WBP2NL: variants seen among roughly 807,000 people sequenced by gnomAD.
WBP2NL encodes postacrosomal sheath WW domain-binding protein.
A neutral mutation model predicts 23.3 loss-of-function variants in WBP2NL; 27 were observed. That is an observed-to-expected ratio of 1.16 (90% CI 0.85 to 1.60). The LOEUF (loss-of-function observed/expected upper bound fraction) is 1.60, where lower values mean the gene tolerates loss of function less well. Among genes scored for constraint, WBP2NL ranks in the 40% most tolerant of loss-of-function variants. The pLI, the probability that WBP2NL is intolerant of heterozygous loss-of-function variation, is 0.00. For missense variants in WBP2NL, 370 were observed against 389.5 expected (o/e 0.95, Z 0.42); for synonymous variants, 151 against 145.9 (o/e 1.03, Z -0.25).
intron 2 of WBP2NL, 88 bp downstream of exon 2, chr22:42,019,507 T>G: frequency 6.4e-7 from 1 of 1,552,138 alleles, no homozygotes; most frequent in Non-Finnish European, 8.8e-7. Context: ...ACTTTTGAAG[T>G]GTTTTTAAAC....
chr22:41,999,021 G>C, intron 1 of WBP2NL, 141 bp downstream of exon 1: 2 of 1,024,688 alleles, frequency 2.0e-6, no homozygotes, highest in African/African-American at 3.3e-5. Context: ...CCGACCTTTG[G>C]GAGCGCGCGC....
intron 1 of WBP2NL, among the ~76,000 whole-genome samples, chr22:42,008,191 TCCCCC>T (rs1922473668): frequency 4.0e-5 from 2 of 49,464 alleles, no homozygotes; most frequent in East Asian, 1.7e-3. Context: ...TCCCTCTCCC[TCCCCC>T]TCCCCCTCTC....
intron 4 of WBP2NL, 135 bp downstream of exon 4, chr22:42,020,231 G>T: frequency 4.7e-6 from 4 of 855,946 alleles, no homozygotes; most frequent in Admixed American, 2.8e-5. Flanking sequence ...TGTAAGTCGG[G>T]GTTTCACCAT....
At chr22:42,034,910 G>A (rs1428182647), downstream of WBP2NL, among the ~76,000 whole-genome samples, 2 of 152,156 alleles carry the variant, frequency 1.3e-5, no homozygotes, top group African/African-American at 2.4e-5. Context: ...CTGTTATCCT[G>A]TTCTTTTTTC....
At chr22:42,057,986 G>A (rs1370981740) in intron 8 of WBP2NL, among the ~76,000 whole-genome samples, 8 of 126,274 alleles carry the variant, frequency 6.3e-5, no homozygotes, top group Non-Finnish European at 9.4e-5. Flanking sequence ...GTGCCATCTC[G>A]GCTCACTGCA....
chr22:42,005,510 C>A (rs9611700), intron 1 of WBP2NL, among the ~76,000 whole-genome samples: 1 of 151,914 alleles, frequency 6.6e-6, no homozygotes, highest in African/African-American at 2.4e-5. Flanking sequence ...CTGAGTGAGA[C>A]TCTGTCTCAA....
At chr22:42,041,807 T>C (rs913323146) in intron 8 of WBP2NL, among the ~76,000 whole-genome samples, 1 of 152,232 alleles carries the variant, frequency 6.6e-6, no homozygotes, top group Admixed American at 6.5e-5. Context: ...GCTTTCACAT[T>C]GCTGATTAGG....
At chr22:42,017,702 T>C (rs1299308699) in intron 1 of WBP2NL, among the ~76,000 whole-genome samples, 5 of 152,146 alleles carry the variant, frequency 3.3e-5, no homozygotes, top group Non-Finnish European at 7.4e-5. Flanking sequence ...ATTGGTTACA[T>C]ATATCATTAA....
At chr22:42,036,341 A>AT (rs959184030), downstream of WBP2NL, among the ~76,000 whole-genome samples, 1 of 151,808 alleles carries the variant, frequency 6.6e-6, no homozygotes, top group Non-Finnish European at 1.5e-5. Flanking sequence ...TGCCCGGCTA[A>AT]TTTTTTTTAC....
intron 8 of WBP2NL, among the ~76,000 whole-genome samples, chr22:42,042,682 C>A (rs563179115): frequency 3.9e-5 from 6 of 152,300 alleles, no homozygotes; most frequent in East Asian, 3.9e-4. Flanking sequence ...TTACTAGAAG[C>A]TTATTTTCTT....
chr22:42,039,477 G>A (rs1235785716), intron 8 of WBP2NL, among the ~76,000 whole-genome samples: 2 of 151,862 alleles, frequency 1.3e-5, no homozygotes, highest in Non-Finnish European at 2.9e-5. Context: ...ATAGGTGTGA[G>A]CCACTACGCT....
At chr22:42,048,856 ACC>A (rs1162530707) in intron 8 of WBP2NL, among the ~76,000 whole-genome samples, 1 of 152,060 alleles carries the variant, frequency 6.6e-6, no homozygotes, top group Admixed American at 6.6e-5. Flanking sequence ...AAAACTAAAA[ACC>A]CTACAGGTGA....
chr22:42,010,417 A>C (rs1044857839), intron 1 of WBP2NL, among the ~76,000 whole-genome samples: 14 of 152,224 alleles, frequency 9.2e-5, no homozygotes, highest in Admixed American at 6.5e-4. Context: ...GTCTTTTGCC[A>C]TTCAGTATGC....
chr22:42,024,719 CT>C (rs555508314), intron 5 of WBP2NL, among the ~76,000 whole-genome samples: 3 of 149,976 alleles, frequency 2.0e-5, no homozygotes, highest in Non-Finnish European at 4.4e-5. Context: ...TGTAAGCATT[CT>C]TTATATAGTC....
rs1283991968 is a variant in WBP2NL, at chr22:42,019,718, A to C, written c.228A>C (p.Pro76=). Reference sequence around the variant, plus strand: ...ATCCCATGTTGTCTTTTATGATGCCATTTGATCTGATGACGAACCTCACTG... The same window carrying C: ...ATCCCATGTTGTCTTTTATGATGCCCTTTGATCTGATGACGAACCTCACTG... ...ISDPMLSFMM[P]FDLMTNLTVE... Residue 76 remains proline (P), a synonymous_variant, in exon 3 of 6, where the codon CCA becomes CCC. Transcript: ENST00000328823. 1 of 1,614,148 alleles carries C rather than the reference A, an allele frequency of 6.2e-7. No homozygotes were observed. Among genetic ancestry groups the C allele is most frequent in the Non-Finnish European group, 8.5e-7 (1 of 1,180,024 alleles).
At chr22:42,012,498 A>G (rs1410381409) in intron 1 of WBP2NL, among the ~76,000 whole-genome samples, 1 of 152,118 alleles carries the variant, frequency 6.6e-6, no homozygotes, top group Non-Finnish European at 1.5e-5. Context: ...ATTTCCACAT[A>G]TTTGTGGCAG....
downstream of WBP2NL, among the ~76,000 whole-genome samples, chr22:42,033,094 G>A (rs1267833765): frequency 1.3e-5 from 2 of 152,140 alleles, no homozygotes; most frequent in Non-Finnish European, 2.9e-5. Flanking sequence ...TGCCTGCCAA[G>A]GGAGATTGCA....
intron 1 of WBP2NL, among the ~76,000 whole-genome samples, chr22:42,006,458 C>T (rs959647173): frequency 2.6e-5 from 4 of 152,176 alleles, no homozygotes; most frequent in African/African-American, 4.8e-5. Flanking sequence ...TGGTCTCGAT[C>T]GCCTGACCTC....
At chr22:42,037,102 T>C (rs912142460), downstream of WBP2NL, among the ~76,000 whole-genome samples, 5 of 150,564 alleles carry the variant, frequency 3.3e-5, no homozygotes, top group African/African-American at 9.8e-5. Context: ...GATTGTTGTG[T>C]AGTATGAGAT....
Sources: allele counts gnomAD v4.1 joint callset (sites outside exome capture counted in the v4.1 genomes callset), GRCh38; gene constraint gnomAD v4.1.1; transcripts MANE v1.5; gene names NCBI Gene and HGNC (gene_info 2026-07-23, HGNC 2026-07-21).